The following TEKT5 variants were observed in gnomAD, a reference collection of about 807,000 sequenced individuals.
The protein encoded by TEKT5 is tektin-5.
Under a neutral mutation model 48.7 loss-of-function variants are expected in TEKT5, and 52 were observed. That is an observed-to-expected ratio of 1.07 (90% CI 0.86 to 1.35). TEKT5 has a LOEUF of 1.35. Ranked by LOEUF, TEKT5 falls within the 40% of genes most tolerant of loss-of-function variation. The pLI is 0.00. For missense variants in TEKT5, 831 were observed against 641.6 expected, an observed-to-expected ratio of 1.30 and a Z score of -3.19; for synonymous variants, 318 against 267.6, an observed-to-expected ratio of 1.19 and a Z score of -1.84.
chr16:10,677,393 T>G (rs1898667339), intron 4 of TEKT5, among the ~76,000 whole-genome samples: 1 of 147,214 alleles, frequency 6.8e-6, no homozygotes, highest in African/African-American at 2.7e-5. Context: ...GCGGATCACT[T>G]GAGGCCAGGA....
intron 5 of TEKT5, among the ~76,000 whole-genome samples, chr16:10,637,566 T>A (rs1288866234): frequency 1.3e-5 from 2 of 152,238 alleles, no homozygotes; most frequent in African/African-American, 4.8e-5. Flanking sequence ...CCCTACAATT[T>A]ATGAAAGTGC....
intron 5 of TEKT5, among the ~76,000 whole-genome samples, chr16:10,643,760 G>A (rs545311536): frequency 5.3e-5 from 8 of 152,168 alleles, no homozygotes; most frequent in South Asian, 2.1e-4. Flanking sequence ...ATTTCACGCC[G>A]GGCGGGGTGG....
At chr16:10,689,067 G>T (rs1898916447) in intron 3 of TEKT5, among the ~76,000 whole-genome samples, 186 bp downstream of exon 3, 1 of 151,980 alleles carries the variant, frequency 6.6e-6, no homozygotes, top group Non-Finnish European at 1.5e-5. Context: ...AGCGAAACTG[G>T]CAGATACTAT....
At chr16:10,665,551 T>G (rs756390470) in intron 5 of TEKT5, among the ~76,000 whole-genome samples, 1 of 152,238 alleles carries the variant, frequency 6.6e-6, no homozygotes, top group Admixed American at 6.5e-5. Context: ...TCCCCAGCTC[T>G]GGACCTTGGC....
At chr16:10,651,036 A>AGG (rs1415234245) in intron 5 of TEKT5, among the ~76,000 whole-genome samples, 4 of 152,188 alleles carry the variant, frequency 2.6e-5, no homozygotes, top group Admixed American at 2.0e-4. Flanking sequence ...GGCCAGGGGC[A>AGG]GGGGCTGGAG....
intron 1 of TEKT5, 158 bp from the exon 2 acceptor site, chr16:10,690,183 C>A (rs895357283): frequency 1.5e-6 from 1 of 658,970 alleles, no homozygotes; most frequent in Non-Finnish European, 2.6e-6. Flanking sequence ...GGGCTTCTGC[C>A]TCCCCTTCTC....
Position 10,689,926 on chromosome 16 carries a change from C to A in TEKT5, c.648+16G>T. On this transcript the variant is annotated intron_variant, in intron 2 of 6. Coordinates refer to ENST00000283025, the MANE Select transcript of TEKT5 (RefSeq NM_144674.2). ...GCCTCCTTCAGGGGGCTGGGCAGAA[C>A]CAGGAGATGCCTTACCCGGATAAGG... 2 of 1,613,858 alleles carry A rather than the reference C, an allele frequency of 1.2e-6. No individual in the cohort carries two copies. Among genetic ancestry groups the A allele is most frequent in the East Asian group, 2.2e-5 (1 of 44,866 alleles).
At chr16:10,628,097 T>C (rs28697284) in intron 6 of TEKT5, among the ~76,000 whole-genome samples, 25,630 of 152,032 alleles carry the variant, frequency 0.17, 3,184 homozygotes, top group African/African-American at 0.34. Flanking sequence ...CCACTTGCCT[T>C]GGCCTCCCAA....
intron 5 of TEKT5, among the ~76,000 whole-genome samples, chr16:10,662,047 A>G (rs1172912092): frequency 6.6e-6 from 1 of 151,984 alleles, no homozygotes; most frequent in Admixed American, 6.6e-5. Flanking sequence ...CTTAAATTAA[A>G]CCTTAATGCT....
chr16:10,690,245 G>A, intron 1 of TEKT5: 3 of 547,936 alleles, frequency 5.5e-6, no homozygotes, highest in Non-Finnish European at 9.6e-6. Context: ...GGAGATGCAA[G>A]GCCCATGTAG....
At chr16:10,665,251 C>G (rs187402885) in intron 5 of TEKT5, among the ~76,000 whole-genome samples, 1 of 152,148 alleles carries the variant, frequency 6.6e-6, no homozygotes, top group Non-Finnish European at 1.5e-5. Context: ...TAACATTACC[C>G]GGGAGATGAC....
In TEKT5 at chr16:10,694,390, G is replaced by A; in HGVS notation, c.484C>T (p.Leu162Phe). The A allele has an allele frequency of 6.2e-7, 1 of 1,614,142 alleles. No homozygotes were observed. The highest frequency in any genetic ancestry group is 8.5e-7 in the Non-Finnish European group (1 of 1,180,038). The change falls in exon 1 of 7, where the codon CTT (leucine) becomes TTT (phenylalanine). Residue 162 changes from leucine to phenylalanine, a missense_variant. Transcript: ENST00000283025. ...TCCAAGTTCTGGTTCTCAGTCAGAA[G>A]CCTGTCCAGCTCATAGCTCAGCTCT... ...KSELSYELDRLLTENQNLETV... is the reference protein window; with the variant it reads ...KSELSYELDRFLTENQNLETV...
chr16:10,633,043 C>A (rs1269928457), intron 6 of TEKT5, among the ~76,000 whole-genome samples: 1 of 152,198 alleles, frequency 6.6e-6, no homozygotes, highest in Non-Finnish European at 1.5e-5. Context: ...CCAGGCAACT[C>A]CCCCAGAAGC....
At position 10,694,383 on chromosome 16, in the gene TEKT5, G is replaced by C. The variant is rs767878357; in HGVS notation, c.491C>G (p.Thr164Ser). 5 of 1,614,046 alleles carry C rather than the reference G, an allele frequency of 3.1e-6. No individual in the cohort carries two copies. In the South Asian group the frequency reaches 4.4e-5, roughly 14 times the overall value. Residue 164 changes from threonine (T) to serine (S), a missense_variant, in exon 1 of 7, where the codon ACT (threonine) becomes AGT (serine). By Grantham distance (58) the Thr-to-Ser change is moderately conservative (BLOSUM62 1). Transcript: ENST00000283025. The part of the protein sequence containing the change: ...ELSYELDRLL[T>S]ENQNLETVKR... ...GACCGTCTCCAAGTTCTGGTTCTCAGTCAGAAGCCTGTCCAGCTCATAGCT... is the reference window on the plus strand; with the variant it reads ...GACCGTCTCCAAGTTCTGGTTCTCACTCAGAAGCCTGTCCAGCTCATAGCT...
At chr16:10,666,728 T>A (rs1898464376) in intron 5 of TEKT5, among the ~76,000 whole-genome samples, 1 of 152,196 alleles carries the variant, frequency 6.6e-6, no homozygotes, top group South Asian at 2.1e-4. Flanking sequence ...GGTGTTGTTC[T>A]GAAGTCAATA....
intron 5 of TEKT5, among the ~76,000 whole-genome samples, chr16:10,667,210 C>T (rs1435585314): frequency 6.6e-6 from 1 of 152,098 alleles, no homozygotes; most frequent in Non-Finnish European, 1.5e-5. Flanking sequence ...TCTCAAACTC[C>T]TGGGCTCAAG....
At chr16:10,652,653 A>G (rs4780969) in intron 5 of TEKT5, among the ~76,000 whole-genome samples, 2,128 of 29,436 alleles carry the variant, frequency 0.072, 302 homozygotes, top group African/African-American at 0.14. Context: ...CTCCAGGCCA[A>G]GTAGAGCGAT....
At chr16:10,646,864 T>C (rs1254866987) in intron 5 of TEKT5, among the ~76,000 whole-genome samples, 37 of 152,314 alleles carry the variant, frequency 2.4e-4, no homozygotes, top group Non-Finnish European at 5.9e-5. Context: ...CATAAGAATG[T>C]TCTGTGCCCA....
At chr16:10,652,192 AG>A (rs1898169870) in intron 5 of TEKT5, among the ~76,000 whole-genome samples, 1 of 152,098 alleles carries the variant, frequency 6.6e-6, no homozygotes, top group Non-Finnish European at 1.5e-5. Flanking sequence ...CGAAAACCTT[AG>A]CAAGTATGGA....
Sources: gnomAD v4.1 joint callset for allele counts (sites outside exome capture counted in the v4.1 genomes callset) on GRCh38, gnomAD v4.1.1 for gene constraint, MANE v1.5 for transcripts, NCBI Gene and HGNC (gene_info 2026-07-23, HGNC 2026-07-21) for gene names.